MACROD2: variants seen among roughly 807,000 people sequenced by gnomAD.
MACROD2 encodes ADP-ribose glycohydrolase MACROD2.
Under a neutral mutation model 70.4 loss-of-function variants are expected in MACROD2, and 36 were observed. The ratio of observed to expected loss-of-function variants is 0.51; its 90% CI spans 0.39 to 0.68. The LOEUF is 0.68. Ranked by LOEUF, MACROD2 falls within the 30% of genes least tolerant of loss-of-function variation. The pLI, the probability that MACROD2 is intolerant of heterozygous loss-of-function variation, is 0.00. For missense variants in MACROD2, 496 were observed against 538.4 expected, an observed-to-expected ratio of 0.92 and a Z score of 0.78; for synonymous variants, 172 against 178.8, an observed-to-expected ratio of 0.96 and a Z score of 0.30.
chr20:15,036,923 ATAATG>A (rs2075317676), intron 5 of MACROD2, among the ~76,000 whole-genome samples: 2 of 151,738 alleles, frequency 1.3e-5, no homozygotes, highest in East Asian at 1.9e-4. Flanking sequence ...TGTTATATAA[ATAATG>A]TAATCAATAT....
chr20:15,159,589 T>G (rs1343772012), intron 5 of MACROD2, among the ~76,000 whole-genome samples: 2 of 151,298 alleles, frequency 1.3e-5, no homozygotes, highest in African/African-American at 4.9e-5. Context: ...CAGACAATCA[T>G]TTATTTCACA....
intron 8 of MACROD2, among the ~76,000 whole-genome samples, chr20:15,503,410 T>G (rs12106197): frequency 0.03 from 4,505 of 152,286 alleles, 219 homozygotes; most frequent in African/African-American, 0.1. Flanking sequence ...ATTGATCAGA[T>G]TACCATAACT....
intron 5 of MACROD2, chr20:14,757,810 T>C: frequency 2.0e-6 from 3 of 1,530,388 alleles, no homozygotes; most frequent in Non-Finnish European, 1.8e-6. Flanking sequence ...ATTACCTTCA[T>C]CTGCCCCCGG....
chr20:15,957,335 T>C (rs777366318), intron 12 of MACROD2, among the ~76,000 whole-genome samples: 26 of 152,220 alleles, frequency 1.7e-4, no homozygotes, highest in Non-Finnish European at 3.4e-4. Flanking sequence ...AAATTATGAA[T>C]GCAACTTTTG....
chr20:15,026,452 A>G (rs988671604), intron 5 of MACROD2, among the ~76,000 whole-genome samples: 4 of 151,744 alleles, frequency 2.6e-5, no homozygotes, highest in Non-Finnish European at 5.9e-5. Context: ...ATTGGGACTC[A>G]GGGTTTTACT....
At position 16,043,949 on chromosome 20, in the gene MACROD2, G is replaced by A. The variant is rs1372228536; in HGVS notation, c.1232-622G>A. 3.3e-5 allele frequency among the ~76,000 whole-genome samples: 5 copies of A among 152,182 alleles called. No homozygotes were observed. In the East Asian group the frequency reaches 5.8e-4, roughly 18 times the overall value. ...TCAACCCAAAAATCTGGTCTGAAGTGACGACTCAGTTTCAGTTGAGGGAAG... is the reference window on the plus strand; with the variant it reads ...TCAACCCAAAAATCTGGTCTGAAGTAACGACTCAGTTTCAGTTGAGGGAAG... On this transcript the variant is annotated intron_variant, in intron 16 of 17. Transcript: ENST00000684519.
rs373639773 is a variant in MACROD2, at chr20:15,649,624, C to G, written c.645+149777C>G. On this transcript the variant is annotated intron_variant, in intron 8 of 17. Transcript: ENST00000684519. ...GTGACTCACAGAAGTCATTAGGTTGCTATGTGGCAATTAGTTTAGGCCTGC... is the reference window on the plus strand; with the variant it reads ...GTGACTCACAGAAGTCATTAGGTTGGTATGTGGCAATTAGTTTAGGCCTGC... Among the ~76,000 whole-genome samples, 26 of 152,258 alleles carry G rather than the reference C, an allele frequency of 1.7e-4. No individual in the cohort carries two copies. The East Asian group carries it at 5.0e-3, about 29-fold the overall frequency.
chr20:14,258,033 A>G (rs1410494399), intron 3 of MACROD2, among the ~76,000 whole-genome samples: 2 of 152,146 alleles, frequency 1.3e-5, no homozygotes, highest in African/African-American at 4.8e-5. Flanking sequence ...ATGGTCTCCA[A>G]TTCCACCCAG....
chr20:14,365,860 A>G (rs1307332359), intron 3 of MACROD2, among the ~76,000 whole-genome samples: 1 of 152,100 alleles, frequency 6.6e-6, no homozygotes. Flanking sequence ...TCTTTGGCCT[A>G]ATAGTTGGTT....
At chr20:14,033,465 C>G (rs953290172) in intron 2 of MACROD2, among the ~76,000 whole-genome samples, 2 of 151,982 alleles carry the variant, frequency 1.3e-5, no homozygotes, top group South Asian at 2.1e-4. Context: ...ATAGAATATT[C>G]ATAGCATTCT....
intron 5 of MACROD2, among the ~76,000 whole-genome samples, chr20:15,039,235 T>C (rs1369113157): frequency 6.6e-6 from 1 of 152,134 alleles, no homozygotes; most frequent in Non-Finnish European, 1.5e-5. Context: ...TAATGAAGTA[T>C]AGGAGAGAAC....
intron 5 of MACROD2, among the ~76,000 whole-genome samples, chr20:14,811,284 C>T (rs2072707459): frequency 6.6e-6 from 1 of 152,018 alleles, no homozygotes; most frequent in Non-Finnish European, 1.5e-5. Flanking sequence ...AATAACACCA[C>T]ACATCTACAA....
chr20:15,980,574 A>G (rs1430002761), intron 13 of MACROD2, among the ~76,000 whole-genome samples: 3 of 152,180 alleles, frequency 2.0e-5, no homozygotes, highest in African/African-American at 7.2e-5. Flanking sequence ...AACTCCTATT[A>G]TAAGAGTTTT....
intron 8 of MACROD2, among the ~76,000 whole-genome samples, chr20:15,737,592 T>C (rs539270994): frequency 6.6e-6 from 1 of 152,328 alleles, no homozygotes; most frequent in Admixed American, 6.5e-5. Flanking sequence ...ACCGTGTCTC[T>C]CAAGAGAGCC....
chr20:14,327,447 T>A (rs1338663474), intron 3 of MACROD2: 2 of 1,613,370 alleles, frequency 1.2e-6, no homozygotes, highest in Non-Finnish European at 1.7e-6. Context: ...GAGGTGCTAC[T>A]TGAAGGAACA....
At chr20:14,692,979 T>C (rs2071081022) in intron 5 of MACROD2, among the ~76,000 whole-genome samples, 1 of 152,234 alleles carries the variant, frequency 6.6e-6, no homozygotes, top group African/African-American at 2.4e-5. Flanking sequence ...GTTGTATTAC[T>C]GGCTGAGTGT....
chr20:14,533,664 C>CT (rs1335717467), intron 4 of MACROD2, among the ~76,000 whole-genome samples: 1 of 152,134 alleles, frequency 6.6e-6, no homozygotes, highest in East Asian at 1.9e-4. Context: ...ACAAGTTTCT[C>CT]TTTTTTAACT....
At chr20:14,619,150 G>A (rs948107267) in intron 4 of MACROD2, among the ~76,000 whole-genome samples, 5 of 151,686 alleles carry the variant, frequency 3.3e-5, no homozygotes, top group African/African-American at 1.2e-4. Flanking sequence ...AAAGTAACAA[G>A]GTGGTTTCTA....
At chr20:15,253,345 A>G (rs1568670261) in intron 6 of MACROD2, among the ~76,000 whole-genome samples, 1 of 152,108 alleles carries the variant, frequency 6.6e-6, no homozygotes, top group Non-Finnish European at 1.5e-5. Context: ...GCCTTTTACA[A>G]AGTTTCCTGA....
Sources: allele counts gnomAD v4.1 joint callset (sites outside exome capture counted in the v4.1 genomes callset), GRCh38; gene constraint gnomAD v4.1.1; transcripts MANE v1.5; gene names NCBI Gene and HGNC (gene_info 2026-07-23, HGNC 2026-07-21).